The following TEX15 variants were observed in gnomAD, a reference collection of about 807,000 sequenced individuals.
The protein encoded by TEX15 is testis expressed 15, meiosis and synapsis associated.
Under a neutral mutation model 237.3 loss-of-function variants are expected in TEX15, and 171 were observed. The observed-to-expected ratio is 0.72, with a 90% CI of 0.64 to 0.82. TEX15 has a LOEUF of 0.82. TEX15 is among the 40% of genes least tolerant of loss of function. The pLI, the probability that TEX15 is intolerant of heterozygous loss-of-function variation, is 0.00. For synonymous variants in TEX15, 1,338 were observed against 1,269.8 expected, an observed-to-expected ratio of 1.05 and a Z score of -1.14; for missense variants, 3,750 against 3,646.5, an observed-to-expected ratio of 1.03 and a Z score of -0.73.
intron 5 of TEX15, among the ~76,000 whole-genome samples, chr8:30,866,454 T>C (rs1808168386): frequency 6.6e-6 from 1 of 151,984 alleles, no homozygotes; most frequent in Non-Finnish European, 1.5e-5. Context: ...AACTAGAAAG[T>C]ACAGAAAACT....
intron 10 of TEX15, 131 bp downstream of exon 10, chr8:30,836,672 T>C (rs1162665054): frequency 1.2e-6 from 1 of 860,360 alleles, no homozygotes; most frequent in Non-Finnish European, 1.8e-6. Flanking sequence ...TTGGCAATTC[T>C]ACAAATCTGT....
At chr8:30,861,614 AT>A (rs1363163001) in intron 5 of TEX15, among the ~76,000 whole-genome samples, 20 of 152,194 alleles carry the variant, frequency 1.3e-4, no homozygotes, top group African/African-American at 4.6e-4. Context: ...TTTGACAATC[AT>A]GCCATATTTA....
rs371550290 is a variant in TEX15, at chr8:30,848,452, T to C, written c.1715A>G (p.Tyr572Cys). 8.1e-6 allele frequency: 13 copies of C among 1,614,058 alleles called. No homozygotes were observed. Among genetic ancestry groups the C allele is most frequent in the Non-Finnish European group, 1.1e-5 (13 of 1,180,024 alleles). ...AATGTGACTACTGTACTCTTTTGTA[T>C]AAGCATTACCGGACTCCTGTTGGGC... Reference protein sequence around the residue: ...QRAQQESGNAYTKEYSSHIFQ... With the variant: ...QRAQQESGNACTKEYSSHIFQ... The change falls in exon 8 of 11, where the codon TAT (tyrosine) becomes TGT (cysteine). Residue 572 changes from tyrosine (Y) to cysteine (C), a missense_variant. Physicochemically the swap from Tyr to Cys is radical, Grantham distance 194. Coordinates refer to ENST00000643185, the MANE Select transcript of TEX15 (RefSeq NM_001350162.2).
chr8:30,885,111 A>C (rs113363886), intron 3 of TEX15, among the ~76,000 whole-genome samples: 1 of 151,778 alleles, frequency 6.6e-6, no homozygotes, highest in Non-Finnish European at 1.5e-5. Flanking sequence ...AATCTCAAAG[A>C]ATTTGGGTAT....
intron 5 of TEX15, among the ~76,000 whole-genome samples, chr8:30,862,988 C>T (rs571795860): frequency 4.6e-5 from 7 of 152,110 alleles, no homozygotes; most frequent in Non-Finnish European, 1.0e-4. Context: ...CCCACCTAGA[C>T]AATAACTGCA....
chr8:30,867,630 T>A, intron 4 of TEX15, 128 bp from the exon 5 acceptor site: 1 of 600,936 alleles, frequency 1.7e-6, no homozygotes, highest in South Asian at 2.2e-5. Context: ...ATTACTACAC[T>A]GTGATGATAA....
At chr8:30,881,964 T>C (rs1333334018) in intron 3 of TEX15, among the ~76,000 whole-genome samples, 1 of 152,192 alleles carries the variant, frequency 6.6e-6, no homozygotes, top group Non-Finnish European at 1.5e-5. Flanking sequence ...CTTAAGATTA[T>C]TGATCTGAAA....
intron 6 of TEX15, 49 bp downstream of exon 6, chr8:30,859,862 C>G: frequency 7.7e-7 from 1 of 1,295,966 alleles, no homozygotes; most frequent in Non-Finnish European, 9.8e-7. Flanking sequence ...TTAAAACATA[C>G]AATGTGAAAC....
rs534802958 is a variant in TEX15 at position 30,875,772 on chromosome 8, G to T, written c.137-670C>A. Among the ~76,000 whole-genome samples, 7 of 151,830 alleles carry T rather than the reference G, an allele frequency of 4.6e-5. No individual in the cohort carries two copies. In the East Asian group the frequency reaches 7.7e-4, roughly 17 times the overall value. ...GTGTCACAAACTACTGTTCTTGGGG[G>T]AAAGGAAAGGGTTAAGTTACTGTGG... On this transcript the variant is annotated intron_variant, in intron 3 of 10. Coordinates refer to ENST00000643185, the MANE Select transcript of TEX15 (RefSeq NM_001350162.2).
chr8:30,906,543 T>C (rs1296253178), intron 1 of TEX15, among the ~76,000 whole-genome samples: 2 of 150,294 alleles, frequency 1.3e-5, no homozygotes, highest in Non-Finnish European at 2.9e-5. Context: ...TGAGCCGAGA[T>C]TGTGCCACTG....
chr8:30,842,380 T>C lies in TEX15; in HGVS notation c.7787A>G (p.Lys2596Arg). Reference sequence around the variant, plus strand: ...TTTCCTAGGGGCAGACATTACATTCTTCAGCAGTGTAGAAAATTGATTGTA... The same window carrying C: ...TTTCCTAGGGGCAGACATTACATTCCTCAGCAGTGTAGAAAATTGATTGTA... ...YNYNQFSTLL[K>R]NVMSAPRKDL... Residue 2596 changes from lysine to arginine, a missense_variant, in exon 8 of 11, where the codon AAG becomes AGG. Transcript: ENST00000643185. The C allele has an allele frequency of 6.2e-6, 10 of 1,613,802 alleles. No homozygotes were observed. The highest frequency in any genetic ancestry group is 8.5e-6 in the Non-Finnish European group (10 of 1,179,858).
chr8:30,884,317 T>G lies in TEX15; in HGVS notation c.136+2850A>C, dbSNP rs577815542. Among the ~76,000 whole-genome samples, 4 of 152,326 alleles carry G rather than the reference T, an allele frequency of 2.6e-5. No individual in the cohort carries two copies. The South Asian group carries it at 8.3e-4, about 32-fold the overall frequency. ...GTAGTTTTCTTCTAAGTTCTTTAACTTGTTTTGGTATTAAAATAATGCTCC... is the reference window on the plus strand; with the variant it reads ...GTAGTTTTCTTCTAAGTTCTTTAACGTGTTTTGGTATTAAAATAATGCTCC... On this transcript the variant is annotated intron_variant, in intron 3 of 10. Coordinates refer to ENST00000643185, the MANE Select transcript of TEX15 (RefSeq NM_001350162.2).
At chr8:30,840,711 G>A (rs1007589545) in intron 8 of TEX15, among the ~76,000 whole-genome samples, 6 of 152,010 alleles carry the variant, frequency 3.9e-5, no homozygotes, top group Non-Finnish European at 7.4e-5. Context: ...TTCTACAGAA[G>A]ACATATATGA....
rs781395930 is a variant in TEX15, at chr8:30,831,965, T to C, written c.*1321A>G. On this transcript the variant is annotated 3_prime_UTR_variant, in exon 11 of 11. Coordinates refer to ENST00000643185, the MANE Select transcript of TEX15 (RefSeq NM_001350162.2). ...ACCAAATAGAAATGTTTTTTAAATATTGTTTTAACTCTATCGTCTTTTCAA... is the reference window on the plus strand; with the variant it reads ...ACCAAATAGAAATGTTTTTTAAATACTGTTTTAACTCTATCGTCTTTTCAA... 1.3e-5 allele frequency: 2 copies of C among 152,370 alleles called. No homozygotes were observed. Among genetic ancestry groups the C allele is most frequent in the Non-Finnish European group, 2.9e-5 (2 of 68,032 alleles). 9.4% of individuals were successfully genotyped at this position (152,370 alleles called of 1,614,324 possible).
At chr8:30,874,370 A>G (rs1808357816) in intron 4 of TEX15, among the ~76,000 whole-genome samples, 1 of 152,226 alleles carries the variant, frequency 6.6e-6, no homozygotes, top group Non-Finnish European at 1.5e-5. Context: ...CTATAATTAA[A>G]AATGCTTACA....
At position 30,848,812 on chromosome 8, in the gene TEX15, A is replaced by C. The variant is rs1044554619; in HGVS notation, c.1355T>G (p.Leu452Ter). ...SMGEQSSTAG[L>*]NEVLQFEKSS... is the part of the protein sequence containing the mutation. ...CTTCTCAAATTGCAAAACCTCATTTAAGCCTGCAGTACTACTCTGTTCTCC... is the reference window on the plus strand; with the variant it reads ...CTTCTCAAATTGCAAAACCTCATTTCAGCCTGCAGTACTACTCTGTTCTCC... The change falls in exon 8 of 11, where the codon TTA becomes TGA. Residue 452 changes from leucine (L) to a stop codon, truncating the protein, a stop_gained. Coordinates refer to ENST00000643185, the MANE Select transcript of TEX15 (RefSeq NM_001350162.2). LOFTEE classifies it high-confidence loss of function. The C allele has an allele frequency of 1.9e-6, 3 of 1,614,076 alleles. No individual in the cohort carries two copies. In the African/African-American group the frequency reaches 4.0e-5, roughly 22 times the overall value.
intron 7 of TEX15, among the ~76,000 whole-genome samples, chr8:30,857,348 C>A: frequency 6.6e-6 from 1 of 151,880 alleles, no homozygotes. Context: ...TTTAAAAAAA[C>A]AGAAAAATAT....
chr8:30,855,206 C>A (rs1002117327), intron 7 of TEX15, among the ~76,000 whole-genome samples: 1 of 151,866 alleles, frequency 6.6e-6, no homozygotes, highest in Non-Finnish European at 1.5e-5. Flanking sequence ...CCAAAGACCA[C>A]TAAAAAAAAT....
Position 30,840,238 on chromosome 8 carries a change from C to T in TEX15, c.8164-274G>A, listed in dbSNP as rs551958547. ...TGAGATGGAGTCTCATTCTGTCACC[C>T]AGGCTGAAGTGCAGTGATGCGATAT... On this transcript the variant is annotated intron_variant, in intron 8 of 10. Coordinates refer to ENST00000643185, the MANE Select transcript of TEX15 (RefSeq NM_001350162.2). Among the ~76,000 whole-genome samples the T allele has an allele frequency of 3.6e-4, 55 of 151,986 alleles. 1 individual carries two copies. The highest frequency in any genetic ancestry group is 9.7e-4 in the African/African-American group (40 of 41,448).
Sources: allele counts gnomAD v4.1 joint callset (sites outside exome capture counted in the v4.1 genomes callset), GRCh38; gene constraint gnomAD v4.1.1; transcripts MANE v1.5; gene names NCBI Gene and HGNC (gene_info 2026-07-23, HGNC 2026-07-21).